SLC11A2: variants seen among roughly 807,000 people sequenced by gnomAD.
SLC11A2 encodes the protein natural resistance-associated macrophage protein 2.
A neutral mutation model predicts 68.0 loss-of-function variants in SLC11A2; 38 were observed. The ratio of observed to expected loss-of-function variants is 0.56; its 90% confidence interval spans 0.43 to 0.73. SLC11A2 has a LOEUF of 0.73. Among genes scored for constraint, SLC11A2 ranks in the 30% least tolerant of loss-of-function variants. The probability of loss-of-function intolerance (pLI) is 0.00; values close to 1 mark genes in which losing one functional copy is unlikely to be tolerated. For synonymous variants in SLC11A2, 242 were observed against 250.6 expected, an observed-to-expected ratio of 0.97 and a Z score of 0.32; for missense variants, 517 against 690.5, an observed-to-expected ratio of 0.75 and a Z score of 2.82.
upstream of SLC11A2, chr12:51,026,513 G>A: frequency 6.5e-6 from 3 of 462,826 alleles, no homozygotes; most frequent in Non-Finnish European, 1.1e-5. Flanking sequence ...CCCACGCGGA[G>A]TCTGGATGCG....
the SLC11A2 span, among the ~76,000 whole-genome samples, chr12:50,972,500 A>T: frequency 6.6e-5 from 10 of 152,196 alleles, no homozygotes. Context: ...AGCCATTGCC[A>T]TGTTCTGGGG....
At chr12:51,000,472 T>G (rs1942106824) in intron 5 of SLC11A2, 53 bp from the exon 6 acceptor site, 1 of 1,403,186 alleles carries the variant, frequency 7.1e-7, no homozygotes, top group Admixed American at 1.7e-5. Context: ...TTCTAAAAAA[T>G]TCCTCCACAA....
chr12:50,980,970 T>G (rs908494490), downstream of SLC11A2: 2 of 152,222 alleles, frequency 1.3e-5, no homozygotes, highest in Non-Finnish European at 2.9e-5. Flanking sequence ...AAAGTGTGGT[T>G]TCTGGATCTT....
At chr12:51,008,654 T>C in intron 2 of SLC11A2, 30 bp from the exon 3 acceptor site, 1 of 1,572,292 alleles carries the variant, frequency 6.4e-7, no homozygotes, top group African/African-American at 1.3e-5. Flanking sequence ...AATAAATTAG[T>C]AAAAAATGAA....
In SLC11A2 at chr12:50,991,681, GAA is replaced by G. The variant is rs780356585; in HGVS notation, c.1348-11_1348-10del. 17 of 1,611,872 alleles carry G rather than the reference GAA, an allele frequency of 1.1e-5. No homozygotes were observed. The African/African-American group carries it at 2.1e-4, about 20-fold the overall frequency. ...ATGAGAGCAAAGGGAAGCTGGAAAA[GAA>G]AGAAGATCAGATGGGATTACTATGG... On this transcript the variant is annotated splice_polypyrimidine_tract_variant and intron_variant, in intron 13 of 15. Transcript: ENST00000262052.
intron 11 of SLC11A2, among the ~76,000 whole-genome samples, chr12:50,994,169 T>C (rs1195540349): frequency 6.6e-6 from 1 of 151,774 alleles, no homozygotes; most frequent in Non-Finnish European, 1.5e-5. Flanking sequence ...GCCTCCTGAG[T>C]AGCTGAGATT....
chr12:50,958,305 G>A, the SLC11A2 span, among the ~76,000 whole-genome samples: 10 of 143,194 alleles, frequency 7.0e-5, no homozygotes, highest in East Asian at 2.0e-4. Context: ...TTTTTTAGAC[G>A]GAGTCTTGCT....
At chr12:50,952,738 G>A in the SLC11A2 span, among the ~76,000 whole-genome samples, 213 of 152,292 alleles carry the variant, frequency 1.4e-3, no homozygotes, top group Non-Finnish European at 2.1e-3. Flanking sequence ...GGCTCTCATC[G>A]CCTCAGCCGG....
downstream of SLC11A2, chr12:50,980,205 A>T: frequency 3.2e-6 from 1 of 315,928 alleles, no homozygotes; most frequent in South Asian, 2.8e-5. Flanking sequence ...CAGCCTGGGC[A>T]ACAGAGCAAG....
In SLC11A2 at chr12:50,996,943, C is replaced by A; in HGVS notation, c.705G>T (p.Gln235His). ...EYVTVKPSQS[Q>H]VLKGMFVPSC... Reference sequence around the variant, plus strand: ...ATGGTACGAACATGCCCTTGAGTACCTGGCTCTGGCTGGGTTTCACTGTAA... The same window carrying A: ...ATGGTACGAACATGCCCTTGAGTACATGGCTCTGGCTGGGTTTCACTGTAA... The change falls in exon 9 of 16, where the codon CAG (glutamine) becomes CAT (histidine). Residue 235 changes from glutamine (Q) to histidine (H), a missense_variant. By Grantham distance (24) the Gln-to-His change is conservative. Coordinates refer to ENST00000262052, the MANE Select transcript of SLC11A2 (RefSeq NM_000617.3). The A allele has an allele frequency of 6.2e-7, 1 of 1,614,146 alleles. No individual in the cohort carries two copies. Among genetic ancestry groups the A allele is most frequent in the Non-Finnish European group, 8.5e-7 (1 of 1,180,010 alleles).
rs200029535 is a variant in SLC11A2, at chr12:50,988,347, G to C, written c.1664C>G (p.Ala555Gly). 4.9e-5 allele frequency: 79 copies of C among 1,614,052 alleles called. No homozygotes were observed. The highest frequency in any genetic ancestry group is 6.5e-5 in the Non-Finnish European group (77 of 1,179,926). Residue 555 changes from alanine (A) to glycine (G), a missense_variant, in exon 16 of 16, where the codon GCC becomes GGC. Transcript: ENST00000262052. ...GTGTTATTTAACGTAGCCACGGGTGGCTTCTTCTGTCAGCAGGCCTTTAGA... is the reference window on the plus strand; with the variant it reads ...GTGTTATTTAACGTAGCCACGGGTGCCTTCTTCTGTCAGCAGGCCTTTAGA... ...SISKGLLTEE[A>G]TRGYVK
chr12:50,987,607 T>G lies in SLC11A2; in HGVS notation c.*718A>C. 7.8e-7 allele frequency: 1 copy of G among 1,287,150 alleles called. No individual in the cohort carries two copies. Among genetic ancestry groups the G allele is most frequent in the Non-Finnish European group, 1.0e-6 (1 of 988,678 alleles). 79.7% of individuals were successfully genotyped at this position (1,287,150 alleles called of 1,614,324 possible). Reference sequence around the variant, plus strand: ...GCAGGTTATTAAGACTCCCAAGAAATCCTCATAAGCTTTTCAATCTGAGGA... The same window carrying G: ...GCAGGTTATTAAGACTCCCAAGAAAGCCTCATAAGCTTTTCAATCTGAGGA... On this transcript the variant is annotated 3_prime_UTR_variant, in exon 16 of 16. Coordinates refer to ENST00000262052, the MANE Select transcript of SLC11A2 (RefSeq NM_000617.3).
At chr12:50,997,809 G>A (rs1416264267) in intron 8 of SLC11A2, among the ~76,000 whole-genome samples, 1 of 150,178 alleles carries the variant, frequency 6.7e-6, no homozygotes, top group Non-Finnish European at 1.5e-5. Context: ...CAAACATAGT[G>A]AAACCCCGTC....
chr12:50,960,139 G>C, the SLC11A2 span, among the ~76,000 whole-genome samples: 12 of 152,266 alleles, frequency 7.9e-5, no homozygotes, highest in Admixed American at 6.5e-4. Context: ...ATTTGTATAG[G>C]CTTCTGAACT....
At chr12:50,997,315 C>T (rs1341893521) in intron 8 of SLC11A2, among the ~76,000 whole-genome samples, 3 of 152,116 alleles carry the variant, frequency 2.0e-5, no homozygotes, top group African/African-American at 7.2e-5. Flanking sequence ...AAGGGGCTTA[C>T]TATTAGGGGC....
intron 1 of SLC11A2, chr12:51,014,385 A>G (rs1170810401): frequency 6.6e-6 from 1 of 152,240 alleles, no homozygotes; most frequent in East Asian, 1.9e-4. Context: ...TTCTAAGTTC[A>G]TTCCTATACC....
chr12:50,979,301 G>A (rs1375213854), downstream of SLC11A2: 3 of 152,722 alleles, frequency 2.0e-5, no homozygotes, highest in African/African-American at 7.2e-5. Flanking sequence ...GACCTGAACG[G>A]TACACTTGTA....
intron 8 of SLC11A2, among the ~76,000 whole-genome samples, chr12:50,997,679 C>CAAA (rs35477132): frequency 0.037 from 1,673 of 44,940 alleles, 645 homozygotes; most frequent in African/African-American, 0.13. Flanking sequence ...GACTCTGTCT[C>CAAA]AAAAAAAAAA....
At chr12:51,002,521 C>T (rs909239507) in intron 5 of SLC11A2, among the ~76,000 whole-genome samples, 2 of 150,850 alleles carry the variant, frequency 1.3e-5, no homozygotes, top group African/African-American at 4.9e-5. Context: ...CACCTGTAAT[C>T]CCAGCTACTC....
Sources: gnomAD v4.1 joint callset for allele counts (sites outside exome capture counted in the v4.1 genomes callset) on GRCh38, gnomAD v4.1.1 for gene constraint, MANE v1.5 for transcripts, NCBI Gene and HGNC (gene_info 2026-07-23, HGNC 2026-07-21) for gene names.